SLCO3A1: variants seen among roughly 807,000 people sequenced by gnomAD.
SLCO3A1 encodes the protein PGE1 transporter.
SLCO3A1 carries 27 observed loss-of-function variants against 63.1 expected under a neutral mutation model. That is an observed-to-expected ratio of 0.43 (90% CI 0.32 to 0.59). The LOEUF (loss-of-function observed/expected upper bound fraction) is 0.59. SLCO3A1 is among the 20% of genes least tolerant of loss of function. The pLI, the probability that SLCO3A1 is intolerant of heterozygous loss-of-function variation, is 0.09. For synonymous variants in SLCO3A1, 473 were observed against 409.9 expected (o/e 1.15, Z -1.86); for missense variants, 773 against 945.8 (o/e 0.82, Z 2.40).
At chr15:91,876,678 T>TC (rs1005258694) in intron 1 of SLCO3A1, among the ~76,000 whole-genome samples, 2 of 152,206 alleles carry the variant, frequency 1.3e-5, no homozygotes, top group Non-Finnish European at 2.9e-5. Context: ...AGTGGTAGGT[T>TC]CCGGAGGCCT....
chr15:92,159,785 C>A (rs58639275), intron 9 of SLCO3A1, among the ~76,000 whole-genome samples: 3,023 of 152,190 alleles, frequency 0.02, 105 homozygotes, highest in African/African-American at 0.069. Flanking sequence ...TATCACATAG[C>A]AGTATGCCCT....
rs1206355119 is a variant in SLCO3A1 at position 92,165,617 on chromosome 15, G to C, written c.*2482G>C. 1.0e-6 allele frequency: 1 copy of C among 985,344 alleles called. No individual in the cohort carries two copies. The highest frequency in any genetic ancestry group is 1.2e-6 in the Non-Finnish European group (1 of 829,850). 61.0% of individuals were successfully genotyped at this position (985,344 alleles called of 1,614,324 possible). ...AACAGGAAGACAACTCCAGGGCTGA[G>C]TTTTATCAGCAATTGGGTATAAATT... On this transcript the variant is annotated 3_prime_UTR_variant, in exon 10 of 10. Transcript: ENST00000318445.
At chr15:92,118,364 C>G (rs2047820883) in intron 4 of SLCO3A1, among the ~76,000 whole-genome samples, 1 of 152,166 alleles carries the variant, frequency 6.6e-6, no homozygotes, top group South Asian at 2.1e-4. Flanking sequence ...TCATCTGGCT[C>G]AGTCCATTTG....
intron 1 of SLCO3A1, chr15:91,889,067 C>A: frequency 9.6e-5 from 65 of 674,006 alleles, no homozygotes; most frequent in South Asian, 5.0e-4. Flanking sequence ...TACTAGCTAA[C>A]ATATAGCTAA....
chr15:92,067,847 G>A (rs990973619), intron 2 of SLCO3A1, among the ~76,000 whole-genome samples: 5 of 152,156 alleles, frequency 3.3e-5, no homozygotes, highest in East Asian at 1.9e-4. Context: ...AGGCGGGGAC[G>A]TCCAAGATCA....
intron 1 of SLCO3A1, among the ~76,000 whole-genome samples, chr15:91,888,210 T>C (rs768964599): frequency 2.0e-5 from 3 of 152,194 alleles, no homozygotes; most frequent in Non-Finnish European, 2.9e-5. Flanking sequence ...GTCAATACTT[T>C]CTTTGCAGAA....
chr15:91,860,490 G>A lies in SLCO3A1; in HGVS notation c.180+6402G>A, dbSNP rs1355802107. Among the ~76,000 whole-genome samples the A allele has an allele frequency of 6.6e-6, 1 of 152,174 alleles. No homozygotes were observed. The highest frequency in any genetic ancestry group is 6.5e-5 in the Admixed American group (1 of 15,282). ...GCTTTAACAGTAATGGTATAACCCT[G>A]CTCGTTGACATTAGCACCAACAAAA... On this transcript the variant is annotated intron_variant, in intron 1 of 9. Transcript: ENST00000318445. This position sits in a 1 kb window ranked among gnomAD's most constrained non-coding sequence, Gnocchi z 5.5.
chr15:91,961,297 T>TA (rs1555418280), intron 2 of SLCO3A1, among the ~76,000 whole-genome samples: 1 of 152,254 alleles, frequency 6.6e-6, no homozygotes, highest in Non-Finnish European at 1.5e-5. Flanking sequence ...CCTTGGCAAG[T>TA]ACTTGTGTTT....
chr15:91,951,806 C>G (rs1264682994), intron 2 of SLCO3A1, among the ~76,000 whole-genome samples: 3 of 152,136 alleles, frequency 2.0e-5, no homozygotes, highest in Non-Finnish European at 2.9e-5. Context: ...CTGCCTGCCT[C>G]GGCCTCCCTA....
chr15:92,027,044 C>T (rs999053713), intron 2 of SLCO3A1, among the ~76,000 whole-genome samples: 1 of 149,930 alleles, frequency 6.7e-6, no homozygotes, highest in African/African-American at 2.5e-5. Context: ...GAGCCAAGAT[C>T]GTGCCATTGC....
At chr15:92,137,683 G>A (rs2048076619) in intron 7 of SLCO3A1, among the ~76,000 whole-genome samples, 1 of 107,362 alleles carries the variant, frequency 9.3e-6, no homozygotes, top group Non-Finnish European at 1.8e-5. Context: ...GTGTGAGATG[G>A]TATCTCATTG....
intron 2 of SLCO3A1, among the ~76,000 whole-genome samples, chr15:92,014,911 C>G (rs961559053): frequency 5.9e-5 from 9 of 152,170 alleles, no homozygotes; most frequent in African/African-American, 2.2e-4. Context: ...GTGGAGGGAA[C>G]TGAGCTAGCT....
chr15:92,152,623 A>G (rs1382703522), intron 9 of SLCO3A1, among the ~76,000 whole-genome samples: 3 of 152,206 alleles, frequency 2.0e-5, no homozygotes, highest in East Asian at 3.8e-4. Context: ...TGCAGTCTGC[A>G]TATATTTTAC....
In SLCO3A1 at chr15:92,136,451, A is replaced by C. The variant is rs546015754; in HGVS notation, c.1512+7962A>C. Among the ~76,000 whole-genome samples the C allele has an allele frequency of 7.2e-5, 11 of 152,322 alleles. No homozygotes were observed. In the East Asian group the frequency reaches 2.1e-3, roughly 29 times the overall value. On this transcript the variant is annotated intron_variant, in intron 7 of 9. Transcript: ENST00000318445. Reference sequence around the variant, plus strand: ...AAATAGCATGCCGACTGCTTCCTTCATCAATAGAAAACAAATGCAAGATTC... The same window carrying C: ...AAATAGCATGCCGACTGCTTCCTTCCTCAATAGAAAACAAATGCAAGATTC...
At chr15:91,979,193 A>T (rs1901238553) in intron 2 of SLCO3A1, among the ~76,000 whole-genome samples, 1 of 149,424 alleles carries the variant, frequency 6.7e-6, no homozygotes, top group Non-Finnish European at 1.5e-5. Context: ...AGTGTTTCTA[A>T]TTTTTTTTTT....
At chr15:91,972,137 A>G (rs987288964) in intron 2 of SLCO3A1, among the ~76,000 whole-genome samples, 1 of 152,130 alleles carries the variant, frequency 6.6e-6, no homozygotes, top group South Asian at 2.1e-4. Context: ...TTTTATGTAG[A>G]GCTCTATACC....
intron 7 of SLCO3A1, among the ~76,000 whole-genome samples, chr15:92,142,507 G>T (rs148862365): frequency 3.3e-5 from 5 of 152,242 alleles, no homozygotes; most frequent in African/African-American, 9.6e-5. Flanking sequence ...CTCTACCCTC[G>T]TGACCTAATC....
intron 2 of SLCO3A1, among the ~76,000 whole-genome samples, chr15:91,989,396 C>T (rs558733996): frequency 5.3e-4 from 81 of 152,282 alleles, no homozygotes; most frequent in Admixed American, 3.5e-3. Flanking sequence ...TTGTGGCCCC[C>T]GTTTCCAGCC....
chr15:92,036,235 C>A lies in SLCO3A1; in HGVS notation c.647-58646C>A, dbSNP rs542459132. Among the ~76,000 whole-genome samples the A allele has an allele frequency of 2.0e-5, 3 of 152,282 alleles. No homozygotes were observed. In the South Asian group the frequency reaches 6.2e-4, roughly 32 times the overall value. On this transcript the variant is annotated intron_variant, in intron 2 of 9. Coordinates refer to ENST00000318445, the MANE Select transcript of SLCO3A1 (RefSeq NM_013272.4). ...GCACATTCTTTTCTGATTTTTAAAG[C>A]CAATCTGAGAATTTGTTCTGGAAAA...
Sources: gnomAD v4.1 joint callset for allele counts (sites outside exome capture counted in the v4.1 genomes callset) on GRCh38, gnomAD v4.1.1 for gene constraint, Gnocchi (gnomAD v3.1) non-coding constraint, MANE v1.5 for transcripts, NCBI Gene and HGNC (gene_info 2026-07-23, HGNC 2026-07-21) for gene names.